Variants in PLK4 observed in about 807,000 individuals in gnomAD.
The protein encoded by PLK4 is polo like kinase 4, also known as serine/threonine-protein kinase PLK4.
A neutral mutation model predicts 103.0 loss-of-function variants in PLK4; 51 were observed. The observed-to-expected ratio is 0.50, with a 90% CI of 0.40 to 0.63. The LOEUF is 0.63. PLK4 is among the 20% of genes least tolerant of loss of function. The pLI, the probability that PLK4 is intolerant of heterozygous loss-of-function variation, is 0.00. For synonymous variants in PLK4, 389 were observed against 376.8 expected, an observed-to-expected ratio of 1.03 and a Z score of -0.38; for missense variants, 1,054 against 1,151.0, an observed-to-expected ratio of 0.92 and a Z score of 1.22.
rs770833041 is a variant in PLK4, at chr4:127,890,119, C to G, written c.1713C>G (p.Ser571Arg). The G allele has an allele frequency of 1.2e-6, 2 of 1,613,870 alleles. No homozygotes were observed. Among genetic ancestry groups the G allele is most frequent in the Non-Finnish European group, 1.7e-6 (2 of 1,179,792 alleles). ...VFGSDPLSEQSKTRGMEPPWG... is the reference protein window; with the variant it reads ...VFGSDPLSEQRKTRGMEPPWG... Reference sequence around the variant, plus strand: ...GCTCAGATCCTCTTTCTGAACAGAGCAAGACTAGGGGTATGGAGCCACCAT... The same window carrying G: ...GCTCAGATCCTCTTTCTGAACAGAGGAAGACTAGGGGTATGGAGCCACCAT... The change falls in exon 7 of 16, where the codon AGC becomes AGG. Residue 571 changes from serine to arginine, a missense_variant. Physicochemically the swap from Ser to Arg is moderately radical, Grantham distance 110. This residue lies in a region of PLK4 where 680 missense variants were observed against 660.3 expected (regional missense o/e 1.03). Transcript: ENST00000270861.
At chr4:127,888,579 A>G (rs1735234782) in intron 6 of PLK4, among the ~76,000 whole-genome samples, 1 of 152,202 alleles carries the variant, frequency 6.6e-6, no homozygotes, top group Non-Finnish European at 1.5e-5. Flanking sequence ...TAGGGTACCA[A>G]TGGGACCTCA....
At chr4:127,885,569 G>A (rs977664088) in intron 4 of PLK4, 139 bp from the exon 5 acceptor site, 1 of 650,074 alleles carries the variant, frequency 1.5e-6, no homozygotes, top group Non-Finnish European at 2.7e-6. Flanking sequence ...GAAGTGGCTG[G>A]TAAATCTAAG....
rs1015971703 is a variant in PLK4, at chr4:127,892,359, C to T, written c.2039-6C>T. The T allele has an allele frequency of 2.0e-5, 31 of 1,540,288 alleles. No homozygotes were observed. Among genetic ancestry groups the T allele is most frequent in the Non-Finnish European group, 2.5e-5 (28 of 1,142,566 alleles). On this transcript the variant is annotated splice_region_variant and splice_polypyrimidine_tract_variant and intron_variant, in intron 9 of 15. Transcript: ENST00000270861. ...TTCCCTAATGTTAAGTATTTTTTTT[C>T]CTTAGAAAAATACTGGCGAAAATAT...
In PLK4 at chr4:127,890,104, T is replaced by C. The variant is rs1204939285; in HGVS notation, c.1698T>C (p.Pro566=). ...AAGAATGTGTTTTTGGCTCAGATCC[T>C]CTTTCTGAACAGAGCAAGACTAGGG... is the stretch of plus-strand genomic sequence containing the variant. ...IQQECVFGSD[P]LSEQSKTRGM... Residue 566 remains proline (P), a synonymous_variant, in exon 7 of 16, where the codon CCT becomes CCC. Transcript: ENST00000270861. 7 of 1,613,960 alleles carry C rather than the reference T, an allele frequency of 4.3e-6. No individual in the cohort carries two copies. The East Asian group carries it at 1.3e-4, about 31-fold the overall frequency.
Position 127,886,483 on chromosome 4 carries a change from A to G in PLK4, c.1113A>G (p.Arg371=). The stretch of plus-strand genomic sequence containing the variant: ...ATGCAGAAGAAAGGCCACATTCTCG[A>G]TACCTTCGTAGAGCTTATTCCTCTG... The part of the protein sequence containing the change: ...IQDAEERPHS[R]YLRRAYSSDR... The change falls in exon 5 of 16, where the codon CGA becomes CGG. Residue 371 remains arginine, a synonymous_variant. Coordinates refer to ENST00000270861, the MANE Select transcript of PLK4 (RefSeq NM_014264.5). 6.2e-7 allele frequency: 1 copy of G among 1,614,074 alleles called. No homozygotes were observed. Among genetic ancestry groups the G allele is most frequent in the Non-Finnish European group, 8.5e-7 (1 of 1,179,926 alleles).
intron 4 of PLK4, among the ~76,000 whole-genome samples, chr4:127,884,840 T>A (rs1735058596): frequency 6.6e-6 from 1 of 151,998 alleles, no homozygotes; most frequent in African/African-American, 2.4e-5. Flanking sequence ...CTCAGGAAGC[T>A]GAGGCAGGAG....
chr4:127,882,144 G>C (rs910745968), intron 2 of PLK4, among the ~76,000 whole-genome samples: 2 of 152,170 alleles, frequency 1.3e-5, no homozygotes, highest in Non-Finnish European at 2.9e-5. Context: ...CTTCATTAAT[G>C]TTCAGTAGAC....
rs750235561 is a variant in PLK4, at chr4:127,889,906, A to G, written c.1500A>G (p.Pro500=). Reference sequence around the variant, plus strand: ...CTACTGAATATGACAGCATCAGCCCAAACCGGGACTTCCAGGGCCATCCAG... The same window carrying G: ...CTACTGAATATGACAGCATCAGCCCGAACCGGGACTTCCAGGGCCATCCAG... ...RKTTEYDSIS[P]NRDFQGHPDL... The change falls in exon 7 of 16, where the codon CCA becomes CCG. Residue 500 remains proline (P), a synonymous_variant. Transcript: ENST00000270861. 6.7e-5 allele frequency: 108 copies of G among 1,612,668 alleles called. No individual in the cohort carries two copies. Among genetic ancestry groups the G allele is most frequent in the Non-Finnish European group, 9.2e-5 (108 of 1,179,412 alleles).
At chr4:127,894,922 A>G in intron 13 of PLK4, 31 bp from the exon 14 acceptor site, 1 of 1,399,392 alleles carries the variant, frequency 7.1e-7, no homozygotes, top group South Asian at 1.6e-5. Flanking sequence ...ATGCTGAGGA[A>G]TAATATCTTC....
intron 6 of PLK4, 87 bp downstream of exon 6, chr4:127,887,583 A>C: frequency 1.2e-6 from 1 of 827,968 alleles, no homozygotes; most frequent in Non-Finnish European, 2.0e-6. Flanking sequence ...ATTTTTAAAG[A>C]AAATCATTTT....
intron 2 of PLK4, 43 bp from the exon 3 acceptor site, chr4:127,883,219 T>A: frequency 1.0e-6 from 1 of 999,936 alleles, no homozygotes; most frequent in Admixed American, 2.1e-5. Context: ...TTTAAGCAGT[T>A]TATATTTGAA....
In PLK4 at chr4:127,883,549, T is replaced by C; in HGVS notation, c.333T>C (p.Asn111=). 1 of 1,364,228 alleles carries C rather than the reference T, an allele frequency of 7.3e-7. No homozygotes were observed. The highest frequency in any genetic ancestry group is 1.2e-5 in the South Asian group (1 of 81,902). The allele number at this position is 1,364,228 out of a possible 1,614,324, so 84.5% of individuals were successfully genotyped here. A position where few individuals can be genotyped will look rare whatever the true frequency, so the allele number is the denominator to read the frequency against. The stretch of plus-strand genomic sequence containing the variant: ...ATAGAGTGAAACCCTTCTCAGAAAA[T>C]GAAGGTAGGTGTGTGGTTTTTTTTG... ...LKNRVKPFSE[N]EARHFMHQII... The change falls in exon 4 of 16, where the codon AAT becomes AAC. Residue 111 remains asparagine, a synonymous_variant. Coordinates refer to ENST00000270861, the MANE Select transcript of PLK4 (RefSeq NM_014264.5).
rs1735625827 is a variant in PLK4 at position 127,897,823 on chromosome 4, GCTTTTTTTTTT to G, written c.2811-615_2811-605del. Among the ~76,000 whole-genome samples the G allele has an allele frequency of 1.3e-4, 5 of 37,138 alleles. No individual in the cohort carries two copies. In the Admixed American group the frequency reaches 1.8e-3, roughly 13 times the overall value. The allele number at this position is 37,138 out of a possible 152,430, so 24.4% of individuals were successfully genotyped here. A position where few individuals can be genotyped will look rare whatever the true frequency, so the allele number is the denominator to read the frequency against. On this transcript the variant is annotated intron_variant, in intron 15 of 15. Transcript: ENST00000270861. ...CTTGGTATTTTTCTGTAGAATTAGG[GCTTTTTTTTTT>G]TTTTTTTTTTTTTTTTTTTTTTTTG...
Position 127,880,906 on chromosome 4 carries a change from C to G in PLK4, c.-229C>G. 5.2e-6 allele frequency: 3 copies of G among 577,360 alleles called. No homozygotes were observed. The South Asian group carries it at 6.0e-5, about 12-fold the overall frequency. 35.8% of individuals were successfully genotyped at this position (577,360 alleles called of 1,614,324 possible). On this transcript the variant is annotated 5_prime_UTR_variant, in exon 1 of 16. Coordinates refer to ENST00000270861, the MANE Select transcript of PLK4 (RefSeq NM_014264.5). ...TCTCGTTACGTCACCACCAGCCTAG[C>G]TCGGACGGCAAGCGGCGGGAGATTT...
chr4:127,886,347 C>T lies in PLK4; in HGVS notation c.977C>T (p.Pro326Leu), dbSNP rs1276647139. ...QPLPNKMTVF[P>L]KNKSSTDFSS... ...CTCCCAAATAAAATGACTGTATTTC[C>T]AAAGAATAAAAGTTCAACTGATTTT... is the stretch of plus-strand genomic sequence containing the variant. The change falls in exon 5 of 16, where the codon CCA becomes CTA. Residue 326 changes from proline (P) to leucine (L), a missense_variant. Physicochemically the swap from Pro to Leu is moderately conservative, Grantham distance 98. Around this residue, in one of 4 missense-constraint regions of PLK4, gnomAD observed 680 missense variants for 660.3 expected, o/e 1.03. Transcript: ENST00000270861. 5 of 1,613,350 alleles carry T rather than the reference C, an allele frequency of 3.1e-6. No homozygotes were observed. Among genetic ancestry groups the T allele is most frequent in the Non-Finnish European group, 4.2e-6 (5 of 1,179,862 alleles).
At chr4:127,883,186 A>G (rs1734992933) in intron 2 of PLK4, 76 bp from the exon 3 acceptor site, 1 of 735,702 alleles carries the variant, frequency 1.4e-6, no homozygotes, top group Admixed American at 2.6e-5. Flanking sequence ...ATTTTAAAGT[A>G]TACTTTATTT....
chr4:127,891,336 G>A (rs570132181), intron 8 of PLK4, 140 bp downstream of exon 8: 3 of 467,262 alleles, frequency 6.4e-6, no homozygotes, highest in African/African-American at 4.0e-5. Context: ...TTCAAAAATT[G>A]AAATAGCATA....
At position 127,880,966 on chromosome 4, in the gene PLK4, C is replaced by G. The variant is rs186708338; in HGVS notation, c.-169C>G. 1.6e-5 allele frequency: 11 copies of G among 684,690 alleles called. No homozygotes were observed. The highest frequency in any genetic ancestry group is 5.4e-5 in the Admixed American group (2 of 36,964). The allele number at this position is 684,690 out of a possible 1,614,324, so 42.4% of individuals were successfully genotyped here. ...GAGCCCAGAGGCACCGCCCAGGCCT[C>G]GGAAGGTGTCAGGGAGAACTTTCCG... On this transcript the variant is annotated 5_prime_UTR_variant, in exon 1 of 16. Transcript: ENST00000270861.
intron 2 of PLK4, among the ~76,000 whole-genome samples, chr4:127,882,127 G>A (rs183262563): frequency 4.6e-5 from 7 of 152,274 alleles, no homozygotes; most frequent in Admixed American, 4.6e-4. Context: ...GCTTAAGTAA[G>A]TTTTATCTTC....
Sources: gnomAD v4.1 joint callset for allele counts (sites outside exome capture counted in the v4.1 genomes callset) on GRCh38, gnomAD v4.1.1 for gene constraint, gnomAD v4.1.1 regional missense constraint, MANE v1.5 for transcripts, NCBI Gene and HGNC (gene_info 2026-07-23, HGNC 2026-07-21) for gene names.